Variants in FMR1 observed in about 807,000 individuals in gnomAD.
FMR1 encodes FMRP translational regulator 1.
A neutral mutation model predicts 50.6 loss-of-function variants in FMR1; 13 were observed. That is an observed-to-expected ratio of 0.26 (90% confidence interval 0.17 to 0.41). FMR1 has a LOEUF of 0.41. Among genes scored for constraint, FMR1 ranks in the 10% least tolerant of loss-of-function variants. The probability of loss-of-function intolerance (pLI) is 1.00; values close to 1 mark genes in which losing one functional copy is unlikely to be tolerated. For synonymous variants in FMR1, 138 were observed against 164.1 expected (o/e 0.84, Z 1.22); for missense variants, 316 against 491.3 (o/e 0.64, Z 3.37).
At chrX:147,912,301 G>T (rs2042617676) in intron 1 of FMR1, 71 bp downstream of exon 1, 1 of 1,019,337 alleles carries the variant, frequency 9.8e-7, no homozygotes, top group African/African-American at 1.9e-5. Context: ...GTCGGCGGGA[G>T]GCAGGCCCGG....
At chrX:147,921,817 T>C in intron 1 of FMR1, 116 bp from the exon 2 acceptor site, 1 of 501,759 alleles carries the variant, frequency 2.0e-6, no homozygotes, top group South Asian at 2.9e-5. Flanking sequence ...TGACCTTCAT[T>C]TGAAGTTCTA....
intron 1 of FMR1, among the ~76,000 whole-genome samples, chrX:147,919,759 T>C (rs1404820061): frequency 8.9e-6 from 1 of 112,390 alleles, no homozygotes; most frequent in Non-Finnish European, 1.9e-5. Context: ...TTGGTATCTC[T>C]GTTTAAGTTG....
In FMR1 at chrX:147,937,603, A is replaced by G. The variant is rs376964024; in HGVS notation, c.1125+3A>G. On this transcript the variant is annotated splice_donor_region_variant and intron_variant, in intron 11 of 16. Transcript: ENST00000370475. ...CTAACAGTACAAAAGTCCAGAGGGTAAGAATTACTTGTCACTTTGAATTAC... is the reference window on the plus strand; with the variant it reads ...CTAACAGTACAAAAGTCCAGAGGGTGAGAATTACTTGTCACTTTGAATTAC... The G allele has an allele frequency of 1.2e-6, 1 of 819,793 alleles. No individual in the cohort carries two copies. Among genetic ancestry groups the G allele is most frequent in the Non-Finnish European group, 1.9e-6 (1 of 537,771 alleles). 67.6% of individuals were successfully genotyped at this position (819,793 alleles called of 1,213,427 possible).
chrX:147,922,992 G>A (rs1557176763), intron 2 of FMR1, among the ~76,000 whole-genome samples: 2 of 111,782 alleles, frequency 1.8e-5, no homozygotes, highest in Non-Finnish European at 3.8e-5. Context: ...ATAATGATAT[G>A]TGGATTATGT....
Position 147,949,447 on chromosome X carries a change from G to T in FMR1, c.*603G>T. On this transcript the variant is annotated 3_prime_UTR_variant, in exon 17 of 17. Coordinates refer to ENST00000370475, the MANE Select transcript of FMR1 (RefSeq NM_002024.6). ...ATATTTGGATGCAGAGTTCAGGGAAGATAAGTTGGAAACACTAAATGTTAA... is the reference window on the plus strand; with the variant it reads ...ATATTTGGATGCAGAGTTCAGGGAATATAAGTTGGAAACACTAAATGTTAA... 3.1e-6 allele frequency: 1 copy of T among 327,607 alleles called. No homozygotes were observed. The highest frequency in any genetic ancestry group is 9.8e-5 in the East Asian group (1 of 10,244). The allele number at this position is 327,607 out of a possible 1,213,427, so 27.0% of individuals were successfully genotyped here.
At chrX:147,922,319 C>A (rs1482074923) in intron 2 of FMR1, among the ~76,000 whole-genome samples, 1 of 111,693 alleles carries the variant, frequency 9.0e-6, no homozygotes, top group African/African-American at 3.3e-5. Context: ...TGAAAAGATT[C>A]ATGGGTATTG....
chrX:147,941,390 T>A, intron 13 of FMR1, among the ~76,000 whole-genome samples: 1 of 112,702 alleles, frequency 8.9e-6, no homozygotes, highest in Non-Finnish European at 1.9e-5. Flanking sequence ...CTGATCTACT[T>A]CATTTTCATA....
chrX:147,912,336 T>A, intron 1 of FMR1, 106 bp downstream of exon 1: 1 of 782,720 alleles, frequency 1.3e-6, no homozygotes, highest in Non-Finnish European at 1.9e-6. Context: ...GCACCGCGCC[T>A]GGGTGCCAGG....
intron 7 of FMR1, among the ~76,000 whole-genome samples, chrX:147,931,951 G>A (rs25711): frequency 5.6e-4 from 63 of 111,668 alleles, no homozygotes; most frequent in African/African-American, 1.6e-3. Flanking sequence ...ATAAAAAATG[G>A]CACTGTTTCC....
At chrX:147,939,054 C>T (rs1175083793) in intron 12 of FMR1, among the ~76,000 whole-genome samples, 1 of 111,874 alleles carries the variant, frequency 8.9e-6, no homozygotes, top group Non-Finnish European at 1.9e-5. Context: ...GATTTTAAAG[C>T]TATTTTGGTG....
rs144100889 is a variant in FMR1, at chrX:147,948,448, C to G, written c.1738-235C>G. On this transcript the variant is annotated intron_variant, in intron 16 of 16. Transcript: ENST00000370475. ...GATAGGATTGTGAGTTTTTCTCTAA[C>G]TTTGGATGCAGTGAGATGACCAGTG... 4,581 of 1,018,705 alleles carry G rather than the reference C, an allele frequency of 4.5e-3. 9 individuals carry two copies. Among genetic ancestry groups the G allele is most frequent in the Non-Finnish European group, 5.0e-3 (3,975 of 797,892 alleles). 84.0% of individuals were successfully genotyped at this position (1,018,705 alleles called of 1,213,427 possible).
At chrX:147,928,223 C>A (rs782663449) in intron 3 of FMR1, 99 bp from the exon 4 acceptor site, 10 of 753,824 alleles carry the variant, frequency 1.3e-5, no homozygotes, top group Non-Finnish European at 2.1e-5. Flanking sequence ...TTTAAAGACA[C>A]CTAGGGGCAT....
chrX:147,922,519 G>A (rs1481407077), intron 2 of FMR1, among the ~76,000 whole-genome samples: 2 of 111,242 alleles, frequency 1.8e-5, no homozygotes, highest in African/African-American at 3.3e-5. Flanking sequence ...AACAGTCATA[G>A]GCCTAGGAAT....
chrX:147,921,127 A>G (rs2043142089), intron 1 of FMR1, among the ~76,000 whole-genome samples: 1 of 111,856 alleles, frequency 8.9e-6, no homozygotes, highest in Non-Finnish European at 1.9e-5. Context: ...TAAGATATAA[A>G]GCCTTTGGGT....
chrX:147,914,425 G>A (rs1457930081), intron 1 of FMR1: 3 of 112,327 alleles, frequency 2.7e-5, no homozygotes, highest in Non-Finnish European at 5.6e-5. Context: ...CAGGAAAGAT[G>A]TGAAATAAAA....
In FMR1 at chrX:147,950,030, CT is replaced by C. The variant is rs1195097760; in HGVS notation, c.*1193del. On this transcript the variant is annotated 3_prime_UTR_variant, in exon 17 of 17. Transcript: ENST00000370475. ...GGTTAACAAATAACAACTTTTTTTT[CT>C]TTTTTTCTTTTGTTTTTTGAAGTGT... 3.2e-6 allele frequency: 1 copy of C among 308,949 alleles called. No homozygotes were observed. Among genetic ancestry groups the C allele is most frequent in the Non-Finnish European group, 6.1e-6 (1 of 164,395 alleles). 25.5% of individuals were successfully genotyped at this position (308,949 alleles called of 1,213,427 possible). A position where few individuals can be genotyped will look rare whatever the true frequency, so the allele number is the denominator to read the frequency against.
chrX:147,932,612 A>G lies in FMR1; in HGVS notation c.801+17A>G. 8.3e-7 allele frequency: 1 copy of G among 1,201,119 alleles called. No individual in the cohort carries two copies. Among genetic ancestry groups the G allele is most frequent in the Non-Finnish European group, 1.1e-6 (1 of 885,927 alleles). On this transcript the variant is annotated intron_variant, in intron 8 of 16. Coordinates refer to ENST00000370475, the MANE Select transcript of FMR1 (RefSeq NM_002024.6). ...TATGGAGAGGTAAATATTTTACTGC[A>G]TAGTTTTTTTTTCCCCAAACAAGTA...
intron 1 of FMR1, among the ~76,000 whole-genome samples, chrX:147,919,935 A>C (rs1467243640): frequency 1.8e-5 from 2 of 112,506 alleles, no homozygotes; most frequent in Admixed American, 9.4e-5. Flanking sequence ...ATTTGTTTAC[A>C]AAGACATCTG....
chrX:147,938,288 G>C (rs1159209336), intron 12 of FMR1, 127 bp downstream of exon 12: 2 of 574,265 alleles, frequency 3.5e-6, no homozygotes, highest in African/African-American at 4.5e-5. Flanking sequence ...TGGGTATGTG[G>C]ATCCATTGCC....
Sources: gnomAD v4.1 joint callset for allele counts (sites outside exome capture counted in the v4.1 genomes callset) on GRCh38, gnomAD v4.1.1 for gene constraint, MANE v1.5 for transcripts, NCBI Gene and HGNC (gene_info 2026-07-23, HGNC 2026-07-21) for gene names.